The following TRABD2B variants were observed in gnomAD, a reference collection of about 807,000 sequenced individuals.
The protein encoded by TRABD2B is TraB domain containing 2B.
Under a neutral mutation model 40.1 loss-of-function variants are expected in TRABD2B, and 14 were observed. That is an observed-to-expected ratio of 0.35 (90% CI 0.23 to 0.55). TRABD2B has a LOEUF of 0.55. Ranked by LOEUF, TRABD2B falls within the 20% of genes least tolerant of loss-of-function variation. The probability of loss-of-function intolerance (pLI) is 0.90; values close to 1 mark genes in which losing one functional copy is unlikely to be tolerated. For synonymous variants in TRABD2B, 263 were observed against 277.0 expected (o/e 0.95, Z 0.50); for missense variants, 541 against 648.6 (o/e 0.83, Z 1.80).
intron 2 of TRABD2B, among the ~76,000 whole-genome samples, chr1:47,855,609 C>T (rs996972751): frequency 1.3e-5 from 2 of 152,178 alleles, no homozygotes; most frequent in African/African-American, 2.4e-5. Context: ...TAGTATGATT[C>T]GTTTATCCAT....
chr1:47,969,282 C>T (rs1570389435), intron 2 of TRABD2B, among the ~76,000 whole-genome samples: 1 of 152,192 alleles, frequency 6.6e-6, no homozygotes, highest in African/African-American at 2.4e-5. Context: ...CTGGGTATGT[C>T]TGCTTATAGG....
chr1:47,965,855 G>T (rs1201280021), intron 2 of TRABD2B, among the ~76,000 whole-genome samples: 1 of 152,118 alleles, frequency 6.6e-6, no homozygotes, highest in Non-Finnish European at 1.5e-5. Flanking sequence ...CCAGACCCAT[G>T]GAGAATAGAG....
At position 47,765,175 on chromosome 1, in the gene TRABD2B, C is replaced by A; in HGVS notation, c.*727G>T. On this transcript the variant is annotated 3_prime_UTR_variant, in exon 7 of 7. Transcript: ENST00000606738. ...TGCCGTGTGACCTTGGGCTACCCAC[C>A]TGGTTCTCTCTGGATCTCAGTTTAT... The A allele has an allele frequency of 6.6e-6, 1 of 152,418 alleles. No homozygotes were observed. Among genetic ancestry groups the A allele is most frequent in the Non-Finnish European group, 1.5e-5 (1 of 68,138 alleles). The allele number at this position is 152,418 out of a possible 1,614,324, so 9.4% of individuals were successfully genotyped here.
intron 2 of TRABD2B, among the ~76,000 whole-genome samples, chr1:47,875,228 T>A (rs1644206271): frequency 6.6e-6 from 1 of 151,724 alleles, no homozygotes; most frequent in Non-Finnish European, 1.5e-5. Context: ...ATGTTAGCAC[T>A]CCATGGAGAC....
At chr1:47,838,535 G>C (rs1645349712) in intron 2 of TRABD2B, among the ~76,000 whole-genome samples, 1 of 152,186 alleles carries the variant, frequency 6.6e-6, no homozygotes, top group Non-Finnish European at 1.5e-5. Flanking sequence ...TGAATCTTCT[G>C]TTTCCTGGTC....
At chr1:47,944,905 C>T (rs75285112) in intron 2 of TRABD2B, among the ~76,000 whole-genome samples, 2,187 of 152,210 alleles carry the variant, frequency 0.014, 22 homozygotes, top group Non-Finnish European at 0.02. Flanking sequence ...AGAACAAACA[C>T]TCATTAGATA....
At chr1:47,907,510 C>T (rs1454256067) in intron 2 of TRABD2B, among the ~76,000 whole-genome samples, 1 of 152,148 alleles carries the variant, frequency 6.6e-6, no homozygotes, top group Non-Finnish European at 1.5e-5. Flanking sequence ...ACTGAGGCTC[C>T]AACATGAGTT....
At chr1:47,953,921 A>G (rs1399516906) in intron 2 of TRABD2B, among the ~76,000 whole-genome samples, 1 of 152,224 alleles carries the variant, frequency 6.6e-6, no homozygotes, top group Non-Finnish European at 1.5e-5. Flanking sequence ...TCGGAGAATC[A>G]GACAACGTGA....
chr1:47,848,390 GGC>G (rs1039970412), intron 2 of TRABD2B, among the ~76,000 whole-genome samples: 1 of 152,144 alleles, frequency 6.6e-6, no homozygotes, highest in African/African-American at 2.4e-5. Context: ...TTACGGCTCA[GGC>G]TGTAACCAGG....
intron 2 of TRABD2B, chr1:47,819,099 A>G (rs1645073249): frequency 6.6e-6 from 1 of 152,268 alleles, no homozygotes; most frequent in Non-Finnish European, 1.5e-5. Flanking sequence ...TCAGCGTGAT[A>G]AGGCATCTCA....
chr1:47,917,010 C>A (rs1256225214), intron 2 of TRABD2B, among the ~76,000 whole-genome samples: 3 of 152,224 alleles, frequency 2.0e-5, no homozygotes, highest in East Asian at 1.9e-4. Context: ...AGAAAACAGA[C>A]CCTGAGAGGT....
rs116378400 is a variant in TRABD2B, at chr1:47,872,178, G to A, written c.667-70559C>T. Among the ~76,000 whole-genome samples, 708 of 152,276 alleles carry A rather than the reference G, an allele frequency of 4.6e-3. 6 individuals carry two copies. The highest frequency in any genetic ancestry group is 0.017 in the African/African-American group (695 of 41,542). On this transcript the variant is annotated intron_variant, in intron 2 of 6. Coordinates refer to ENST00000606738, the MANE Select transcript of TRABD2B (RefSeq NM_001194986.2). ...TCCTCTCTGGGGACCCTATGTCTGT[G>A]GGCTCAGGCCTGTTTTGCATCTACA...
intron 4 of TRABD2B, among the ~76,000 whole-genome samples, chr1:47,784,417 G>A (rs1432806631): frequency 6.6e-6 from 1 of 151,992 alleles, no homozygotes; most frequent in Non-Finnish European, 1.5e-5. Flanking sequence ...GTGTTGAGGG[G>A]CTGGGCAGAG....
chr1:47,984,652 G>A (rs190311592), intron 2 of TRABD2B, among the ~76,000 whole-genome samples: 7 of 152,290 alleles, frequency 4.6e-5, no homozygotes, highest in Non-Finnish European at 8.8e-5. Context: ...GTCCTCTAGC[G>A]TAGGTGCCTC....
At position 47,810,712 on chromosome 1, in the gene TRABD2B, G is replaced by A. The variant is rs528140488; in HGVS notation, c.667-9093C>T. Among the ~76,000 whole-genome samples the A allele has an allele frequency of 4.6e-5, 7 of 152,358 alleles. No individual in the cohort carries two copies. The East Asian group carries it at 7.7e-4, about 17-fold the overall frequency. ...CACGAAGGTGTGGGCAGGCCATAGT[G>A]AGGCAGCAGGGAGTAGCTGCAGGGG... On this transcript the variant is annotated intron_variant, in intron 2 of 6. Transcript: ENST00000606738.
intron 2 of TRABD2B, among the ~76,000 whole-genome samples, chr1:47,949,018 AG>A (rs940733888): frequency 1.3e-5 from 2 of 152,194 alleles, no homozygotes; most frequent in African/African-American, 4.8e-5. Context: ...CTGAGGTTCA[AG>A]GGGGTTACGT....
At chr1:47,993,054 A>G (rs1386017347) in intron 2 of TRABD2B, among the ~76,000 whole-genome samples, 2 of 152,218 alleles carry the variant, frequency 1.3e-5, no homozygotes, top group Non-Finnish European at 2.9e-5. Flanking sequence ...GTCTGATTCC[A>G]ATGGTAGTTT....
intron 2 of TRABD2B, among the ~76,000 whole-genome samples, chr1:47,839,434 C>A (rs963060182): frequency 2.0e-5 from 3 of 152,174 alleles, no homozygotes; most frequent in Non-Finnish European, 4.4e-5. Flanking sequence ...ACTGATTCAG[C>A]CTCTTCAATG....
intron 2 of TRABD2B, among the ~76,000 whole-genome samples, chr1:47,876,485 G>A (rs1264558945): frequency 6.6e-6 from 1 of 152,164 alleles, no homozygotes; most frequent in Non-Finnish European, 1.5e-5. Context: ...AGGTCAAGAG[G>A]CCTCTAGCTG....
Sources: gnomAD v4.1 joint callset for allele counts (sites outside exome capture counted in the v4.1 genomes callset) on GRCh38, gnomAD v4.1.1 for gene constraint, MANE v1.5 for transcripts, NCBI Gene and HGNC (gene_info 2026-07-23, HGNC 2026-07-21) for gene names.